KIAA1328: variants seen among roughly 807,000 people sequenced by gnomAD.
The protein encoded by KIAA1328 is protein hinderin.
KIAA1328 carries 52 observed loss-of-function variants against 68.1 expected under a neutral mutation model. That is an observed-to-expected ratio of 0.76 (90% CI 0.61 to 0.96). The LOEUF (loss-of-function observed/expected upper bound fraction) is 0.96. KIAA1328 is among the 40% of genes least tolerant of loss of function. KIAA1328 has a pLI of 0.00. For synonymous variants in KIAA1328, 232 were observed against 239.4 expected (o/e 0.97, Z 0.28); for missense variants, 641 against 677.6 (o/e 0.95, Z 0.60).
At chr18:37,198,407 A>G (rs938275665) in intron 9 of KIAA1328, among the ~76,000 whole-genome samples, 1 of 152,224 alleles carries the variant, frequency 6.6e-6, no homozygotes, top group African/African-American at 2.4e-5. Flanking sequence ...CTGCAGTGTC[A>G]TTATGTAAGA....
chr18:37,098,752 G>A (rs980534717), intron 7 of KIAA1328, among the ~76,000 whole-genome samples: 1 of 152,186 alleles, frequency 6.6e-6, no homozygotes, highest in South Asian at 2.1e-4. Context: ...TAATTTCAGA[G>A]CCTGTTATTT....
At chr18:37,120,995 A>C (rs1192205886) in intron 7 of KIAA1328, among the ~76,000 whole-genome samples, 1 of 152,154 alleles carries the variant, frequency 6.6e-6, no homozygotes. Flanking sequence ...TGACAGCTTA[A>C]AGAGAGGAAA....
downstream of KIAA1328, among the ~76,000 whole-genome samples, chr18:37,227,790 AG>A (rs1462360013): frequency 6.6e-6 from 1 of 152,238 alleles, no homozygotes. Context: ...TGGATCAAGG[AG>A]TAATTTCAAC....
chr18:37,009,081 CCTT>C (rs1232438641), intron 6 of KIAA1328, among the ~76,000 whole-genome samples: 4 of 152,086 alleles, frequency 2.6e-5, no homozygotes, highest in Non-Finnish European at 5.9e-5. Flanking sequence ...TGAGGACACA[CCTT>C]CTTTTAAAAA....
At chr18:37,036,072 T>G (rs2055014943) in intron 6 of KIAA1328, among the ~76,000 whole-genome samples, 1 of 152,202 alleles carries the variant, frequency 6.6e-6, no homozygotes, top group Non-Finnish European at 1.5e-5. Flanking sequence ...AGGTATTATC[T>G]GAATGGCTAC....
At position 37,054,251 on chromosome 18, in the gene KIAA1328, G is replaced by A. The variant is rs2055822078; in HGVS notation, c.577-12639G>A. Among the ~76,000 whole-genome samples the A allele has an allele frequency of 2.6e-5, 4 of 152,252 alleles. No individual in the cohort carries two copies. In the South Asian group the frequency reaches 8.3e-4, roughly 32 times the overall value. ...TTCATCCCCTATGGAAAACAGTATG[G>A]AGATTTCTTAAAGAAGTAAAACTGG... is the stretch of plus-strand genomic sequence containing the variant. On this transcript the variant is annotated intron_variant, in intron 6 of 9. Coordinates refer to ENST00000280020, the MANE Select transcript of KIAA1328 (RefSeq NM_020776.3).
intron 6 of KIAA1328, among the ~76,000 whole-genome samples, chr18:37,018,722 A>C (rs1453009730): frequency 6.6e-6 from 1 of 152,116 alleles, no homozygotes; most frequent in African/African-American, 2.4e-5. Flanking sequence ...CAGTCTATTG[A>C]TAAAGCTTTC....
intron 6 of KIAA1328, among the ~76,000 whole-genome samples, chr18:36,984,019 A>G (rs879442461): frequency 6.6e-6 from 1 of 152,184 alleles, no homozygotes; most frequent in Non-Finnish European, 1.5e-5. Context: ...ATTCATCTCA[A>G]TAGGTCCAAA....
chr18:36,975,485 A>G (rs1172675671), intron 6 of KIAA1328, among the ~76,000 whole-genome samples: 1 of 152,178 alleles, frequency 6.6e-6, no homozygotes, highest in Non-Finnish European at 1.5e-5. Flanking sequence ...CCCGGCCTAC[A>G]AGCTACAATT....
rs182155490 is a variant in KIAA1328 at position 36,909,248 on chromosome 18, C to T, written c.448+23576C>T. 2.5e-3 allele frequency among the ~76,000 whole-genome samples: 386 copies of T among 152,088 alleles called. 4 individuals carry two copies. Among genetic ancestry groups the T allele is most frequent in the African/African-American group, 8.9e-3 (369 of 41,500 alleles). ...GCTGCACCCATTAACTCGTCATTTA[C>T]ATTAGGTATATCTCCTAATGCTATC... On this transcript the variant is annotated intron_variant, in intron 5 of 9. Transcript: ENST00000280020.
At chr18:36,857,533 G>A (rs940828329) in intron 4 of KIAA1328, among the ~76,000 whole-genome samples, 1 of 152,204 alleles carries the variant, frequency 6.6e-6, no homozygotes, top group Non-Finnish European at 1.5e-5. Flanking sequence ...CCTGGCGGCC[G>A]CCATTGATCT....
intron 6 of KIAA1328, among the ~76,000 whole-genome samples, chr18:36,966,632 C>T (rs943114667): frequency 3.3e-5 from 5 of 151,992 alleles, no homozygotes; most frequent in Admixed American, 2.0e-4. Context: ...ATGAGTTCAG[C>T]GAGGATACAG....
At chr18:36,930,693 G>T in intron 5 of KIAA1328, among the ~76,000 whole-genome samples, 1 of 151,976 alleles carries the variant, frequency 6.6e-6, no homozygotes, top group Non-Finnish European at 1.5e-5. Context: ...ATAATGCTTT[G>T]ATTCTGTAGT....
chr18:37,059,942 G>A (rs2056080090), intron 6 of KIAA1328, among the ~76,000 whole-genome samples: 1 of 145,324 alleles, frequency 6.9e-6, no homozygotes, highest in South Asian at 2.2e-4. Flanking sequence ...CACAGGAACA[G>A]AAAACCAAAC....
At chr18:37,138,416 C>T (rs2058691925) in intron 7 of KIAA1328, among the ~76,000 whole-genome samples, 1 of 152,188 alleles carries the variant, frequency 6.6e-6, no homozygotes, top group African/African-American at 2.4e-5. Context: ...CTCTTTCCTA[C>T]ACCACACATC....
intron 1 of KIAA1328, 100 bp downstream of exon 1, chr18:36,829,296 A>G (rs958148810): frequency 6.6e-5 from 94 of 1,422,206 alleles, no homozygotes; most frequent in Non-Finnish European, 8.5e-5. Flanking sequence ...GAAGCTCCGA[A>G]CTAACCCCGG....
At chr18:37,056,690 A>C (rs1250813977) in intron 6 of KIAA1328, among the ~76,000 whole-genome samples, 1 of 152,038 alleles carries the variant, frequency 6.6e-6, no homozygotes, top group Non-Finnish European at 1.5e-5. Flanking sequence ...TCCCTCTGTC[A>C]CCCAGGCTGG....
At chr18:36,899,427 CAA>C (rs759594059) in intron 5 of KIAA1328, among the ~76,000 whole-genome samples, 31 of 151,908 alleles carry the variant, frequency 2.0e-4, no homozygotes, top group East Asian at 7.7e-4. Context: ...AGATCTGACT[CAA>C]GAGAAAACTT....
chr18:37,143,521 CTTTTTTTTTT>C (rs57046567), intron 7 of KIAA1328, among the ~76,000 whole-genome samples: 1 of 90,778 alleles, frequency 1.1e-5, no homozygotes, highest in African/African-American at 4.8e-5. Context: ...TTTTTTCTTT[CTTTTTTTTTT>C]TTTTTTTTTT....
Sources: allele counts gnomAD v4.1 joint callset (sites outside exome capture counted in the v4.1 genomes callset), GRCh38; gene constraint gnomAD v4.1.1; transcripts MANE v1.5; gene names NCBI Gene and HGNC (gene_info 2026-07-23, HGNC 2026-07-21).